The following VKORC1L1 variants were observed in gnomAD, a reference collection of about 807,000 sequenced individuals.
The protein encoded by VKORC1L1 is vitamin K epoxide reductase complex subunit 1-like protein 1.
In VKORC1L1, 2 loss-of-function variants were observed where a neutral mutation model predicts 18.9. The ratio of observed to expected loss-of-function variants is 0.11; its 90% CI spans 0.04 to 0.33. The LOEUF is 0.33. Among genes scored for constraint, VKORC1L1 ranks in the 10% least tolerant of loss-of-function variants. VKORC1L1 has a pLI of 1.00. For synonymous variants in VKORC1L1, 96 were observed against 100.0 expected (o/e 0.96, Z 0.24); for missense variants, 123 against 224.1 (o/e 0.55, Z 2.88).
At chr7:65,910,945 G>C (rs1270734730) in intron 1 of VKORC1L1, among the ~76,000 whole-genome samples, 2 of 152,100 alleles carry the variant, frequency 1.3e-5, no homozygotes, top group Admixed American at 1.3e-4. Flanking sequence ...CTGTACATTT[G>C]GTTTATAAAT....
intron 1 of VKORC1L1, among the ~76,000 whole-genome samples, chr7:65,934,463 C>T (rs1207099678): frequency 6.6e-6 from 1 of 152,140 alleles, no homozygotes; most frequent in Non-Finnish European, 1.5e-5. Flanking sequence ...CTATGCTGTG[C>T]AATAGATCTC....
intron 1 of VKORC1L1, among the ~76,000 whole-genome samples, chr7:65,897,582 AAC>A (rs1789235985): frequency 6.6e-6 from 1 of 152,234 alleles, no homozygotes; most frequent in African/African-American, 2.4e-5. Flanking sequence ...GAAAGAGCCA[AAC>A]ACAAATATAA....
At position 65,956,578 on chromosome 7, in the gene VKORC1L1, C is replaced by T. The variant is rs943643063; in HGVS notation, c.*2278C>T. ...TTTTGCCACATTCCTATGGCCCAGT[C>T]GAATTAATACCCTTTTTCTCACTGA... On this transcript the variant is annotated 3_prime_UTR_variant, in exon 3 of 3. Transcript: ENST00000360768. 1.3e-5 allele frequency: 2 copies of T among 152,202 alleles called. No individual in the cohort carries two copies. The highest frequency in any genetic ancestry group is 2.4e-5 in the African/African-American group (1 of 41,448). 9.4% of individuals were successfully genotyped at this position (152,202 alleles called of 1,614,324 possible).
chr7:65,891,135 G>A (rs1396059669), intron 1 of VKORC1L1, among the ~76,000 whole-genome samples: 3 of 146,048 alleles, frequency 2.1e-5, no homozygotes, highest in Non-Finnish European at 3.0e-5. Flanking sequence ...ATCCAACTTG[G>A]TGGTGGTATG....
upstream of VKORC1L1, among the ~76,000 whole-genome samples, chr7:65,870,132 A>C (rs1186741795): frequency 6.6e-6 from 1 of 151,950 alleles, no homozygotes; most frequent in Admixed American, 6.6e-5. Context: ...TCATTCATTC[A>C]AAATATATAT....
intron 1 of VKORC1L1, among the ~76,000 whole-genome samples, chr7:65,933,711 T>C (rs1277741688): frequency 6.6e-6 from 1 of 152,236 alleles, no homozygotes; most frequent in East Asian, 1.9e-4. Context: ...TATGTTTAGA[T>C]TTAGGTCAAC....
intron 1 of VKORC1L1, among the ~76,000 whole-genome samples, chr7:65,891,848 A>G (rs572481845): frequency 9.3e-4 from 141 of 152,352 alleles, no homozygotes; most frequent in Non-Finnish European, 1.8e-3. Flanking sequence ...GAAATATAAA[A>G]TAAATCATTG....
At chr7:65,875,424 C>G (rs774654169) in intron 1 of VKORC1L1, among the ~76,000 whole-genome samples, 8 of 151,092 alleles carry the variant, frequency 5.3e-5, no homozygotes, top group Non-Finnish European at 1.0e-4. Context: ...AGACACTTTT[C>G]TTTTTTTTTC....
At chr7:65,898,077 G>GA (rs1789245495) in intron 1 of VKORC1L1, among the ~76,000 whole-genome samples, 1 of 82,970 alleles carries the variant, frequency 1.2e-5, no homozygotes, top group Non-Finnish European at 2.4e-5. Flanking sequence ...TTTGTAGCAG[G>GA]TTTTTTTTTT....
At chr7:65,873,859 G>T (rs1788777178) in intron 1 of VKORC1L1, among the ~76,000 whole-genome samples, 2 of 152,028 alleles carry the variant, frequency 1.3e-5, no homozygotes, top group African/African-American at 2.4e-5. Flanking sequence ...GGTCGGGCGG[G>T]CTGGGGCCCG....
chr7:65,918,280 A>G (rs563410036), intron 1 of VKORC1L1, among the ~76,000 whole-genome samples: 1 of 152,328 alleles, frequency 6.6e-6, no homozygotes, highest in South Asian at 2.1e-4. Flanking sequence ...AGGGAATGCA[A>G]AGTTTTTCCA....
chr7:65,873,759 G>C (rs1434126994), intron 1 of VKORC1L1, among the ~76,000 whole-genome samples, 194 bp downstream of exon 1: 1 of 151,078 alleles, frequency 6.6e-6, no homozygotes, highest in Non-Finnish European at 1.5e-5. Flanking sequence ...CCTGAGCCCA[G>C]GCCGCGGGGC....
chr7:65,908,890 G>A (rs752404368), intron 1 of VKORC1L1, among the ~76,000 whole-genome samples: 15 of 150,248 alleles, frequency 1.0e-4, no homozygotes, highest in Non-Finnish European at 3.0e-5. Flanking sequence ...TTTGCAAGAT[G>A]AAGTATTAAA....
At chr7:65,872,638 T>G (rs755976072), upstream of VKORC1L1, among the ~76,000 whole-genome samples, 2 of 152,096 alleles carry the variant, frequency 1.3e-5, no homozygotes, top group South Asian at 4.1e-4. Context: ...CATAAATCAT[T>G]TTTTAAAAAT....
chr7:65,941,913 G>T (rs1790041208), intron 1 of VKORC1L1, among the ~76,000 whole-genome samples: 1 of 151,902 alleles, frequency 6.6e-6, no homozygotes, highest in Admixed American at 6.6e-5. Context: ...CACCTGCTTT[G>T]GCCTCCCAAA....
intron 2 of VKORC1L1, among the ~76,000 whole-genome samples, chr7:65,949,977 A>G (rs936188368): frequency 2.0e-5 from 3 of 152,176 alleles, no homozygotes; most frequent in Admixed American, 2.0e-4. Context: ...GTATCAAAAA[A>G]CACAGATATT....
rs1400090712 is a variant in VKORC1L1 at position 65,954,339 on chromosome 7, T to G, written c.*39T>G. ...CCACCCTAACAGTCTCAAGCCCCTT[T>G]CCATTCAGTTTATTTTGCAGCAGGT... On this transcript the variant is annotated 3_prime_UTR_variant, in exon 3 of 3. Coordinates refer to ENST00000360768, the MANE Select transcript of VKORC1L1 (RefSeq NM_173517.6). 1 of 1,607,784 alleles carries G rather than the reference T, an allele frequency of 6.2e-7. No homozygotes were observed. Among genetic ancestry groups the G allele is most frequent in the Non-Finnish European group, 8.5e-7 (1 of 1,177,146 alleles).
At chr7:65,929,939 T>TA in intron 1 of VKORC1L1, among the ~76,000 whole-genome samples, 1 of 151,976 alleles carries the variant, frequency 6.6e-6, no homozygotes, top group Admixed American at 6.6e-5. Flanking sequence ...TCTCTATGTA[T>TA]ATAGGTTGTC....
intron 1 of VKORC1L1, among the ~76,000 whole-genome samples, chr7:65,893,849 T>C (rs1326537703): frequency 2.0e-5 from 3 of 152,228 alleles, no homozygotes; most frequent in African/African-American, 7.2e-5. Context: ...TGTGTGGCCC[T>C]GGGCCCTGTG....
Sources: allele counts gnomAD v4.1 joint callset (sites outside exome capture counted in the v4.1 genomes callset), GRCh38; gene constraint gnomAD v4.1.1; transcripts MANE v1.5; gene names NCBI Gene and HGNC (gene_info 2026-07-23, HGNC 2026-07-21).